The following FBXL13 variants were observed in gnomAD, a reference collection of about 807,000 sequenced individuals.
FBXL13 encodes the protein F-box and leucine rich repeat protein 13.
FBXL13 carries 67 observed loss-of-function variants against 83.6 expected under a neutral mutation model. That is an observed-to-expected ratio of 0.80 (90% CI 0.66 to 0.98). The LOEUF is 0.98. Among genes scored for constraint, FBXL13 ranks in the 50% least tolerant of loss-of-function variants. The pLI, the probability that FBXL13 is intolerant of heterozygous loss-of-function variation, is 0.00. For synonymous variants in FBXL13, 272 were observed against 299.5 expected, an observed-to-expected ratio of 0.91 and a Z score of 0.95; for missense variants, 822 against 866.5, an observed-to-expected ratio of 0.95 and a Z score of 0.64.
chr7:102,911,052 C>T (rs148275704), intron 11 of FBXL13, among the ~76,000 whole-genome samples: 114 of 152,300 alleles, frequency 7.5e-4, no homozygotes, highest in Non-Finnish European at 1.0e-3. Context: ...TGAGCCACCG[C>T]GCCCAGCCTA....
At chr7:103,017,885 G>A (rs1440296692) in intron 6 of FBXL13, among the ~76,000 whole-genome samples, 1 of 152,176 alleles carries the variant, frequency 6.6e-6, no homozygotes, top group African/African-American at 2.4e-5. Context: ...GAAGAATCAA[G>A]TTGGAAAACA....
chr7:103,053,415 A>C (rs540250818), intron 2 of FBXL13, among the ~76,000 whole-genome samples: 1 of 152,230 alleles, frequency 6.6e-6, no homozygotes, highest in East Asian at 1.9e-4. Context: ...GGCCTCCCAA[A>C]GTGCTGGAAT....
chr7:103,011,899 G>A (rs1563216259), intron 6 of FBXL13, among the ~76,000 whole-genome samples: 1 of 152,096 alleles, frequency 6.6e-6, no homozygotes, highest in Non-Finnish European at 1.5e-5. Context: ...AGAAAAGAGA[G>A]GGAGAGAAAC....
chr7:102,964,139 C>T (rs931646356), intron 7 of FBXL13, among the ~76,000 whole-genome samples: 4 of 151,788 alleles, frequency 2.6e-5, no homozygotes, highest in Admixed American at 6.6e-5. Context: ...GGCAAAACCC[C>T]GTCTCTACTA....
chr7:102,889,146 G>T (rs983670239), intron 11 of FBXL13, among the ~76,000 whole-genome samples: 1 of 152,170 alleles, frequency 6.6e-6, no homozygotes, highest in Non-Finnish European at 1.5e-5. Flanking sequence ...AACTCATTGT[G>T]GTGCAGCCCT....
At chr7:103,058,564 G>A (rs1797558886) in intron 1 of FBXL13, among the ~76,000 whole-genome samples, 1 of 152,192 alleles carries the variant, frequency 6.6e-6, no homozygotes, top group African/African-American at 2.4e-5. Context: ...GGTCTCCAGA[G>A]TACTGAGTTT....
At chr7:102,883,732 T>C in intron 12 of FBXL13, 47 bp from the exon 14 acceptor site, 1 of 1,183,590 alleles carries the variant, frequency 8.4e-7, no homozygotes, top group Non-Finnish European at 1.2e-6. Flanking sequence ...ACAGAACAGG[T>C]TTAGCAAGGT....
At chr7:102,894,290 G>A (rs1434482044) in intron 11 of FBXL13, among the ~76,000 whole-genome samples, 1 of 152,146 alleles carries the variant, frequency 6.6e-6, no homozygotes, top group Non-Finnish European at 1.5e-5. Context: ...TTTAAGTTTC[G>A]TGGGCTCTAG....
chr7:103,033,131 CAGACA>C (rs1405588434), intron 2 of FBXL13, among the ~76,000 whole-genome samples: 1 of 152,170 alleles, frequency 6.6e-6, no homozygotes, highest in Non-Finnish European at 1.5e-5. Context: ...ATATTTTTGA[CAGACA>C]AGAGACTAAG....
intron 10 of FBXL13, among the ~76,000 whole-genome samples, chr7:102,916,492 CA>C (rs1815893795): frequency 6.6e-6 from 1 of 152,136 alleles, no homozygotes; most frequent in Non-Finnish European, 1.5e-5. Context: ...AGTTTGAAGG[CA>C]AAGCTCAGGA....
chr7:103,038,378 G>A (rs1474517313), intron 2 of FBXL13, among the ~76,000 whole-genome samples: 1 of 152,246 alleles, frequency 6.6e-6, no homozygotes. Flanking sequence ...CACCTCTGGG[G>A]ACAGGGCATA....
chr7:103,066,852 C>T (rs1341126855), intron 1 of FBXL13, among the ~76,000 whole-genome samples: 2 of 146,604 alleles, frequency 1.4e-5, no homozygotes, highest in Non-Finnish European at 3.0e-5. Context: ...AGTGCAATGG[C>T]GTGATCGCAG....
intron 6 of FBXL13, among the ~76,000 whole-genome samples, chr7:103,024,857 A>ATTTTTTT (rs1209398568): frequency 3.2e-5 from 2 of 62,854 alleles, no homozygotes; most frequent in African/African-American, 9.0e-5. Flanking sequence ...ATATATATAT[A>ATTTTTTT]TTTTTTTTTT....
intron 6 of FBXL13, among the ~76,000 whole-genome samples, chr7:103,019,223 A>G (rs542191623): frequency 6.6e-6 from 1 of 152,342 alleles, no homozygotes; most frequent in East Asian, 1.9e-4. Context: ...CTGAATGACT[A>G]CTGGGTACAT....
At chr7:102,950,189 C>T (rs1439699145) in intron 8 of FBXL13, among the ~76,000 whole-genome samples, 1 of 152,118 alleles carries the variant, frequency 6.6e-6, no homozygotes, top group East Asian at 1.9e-4. Flanking sequence ...ACAGACACCT[C>T]ACCAGAAAGA....
rs61732622 is a variant in FBXL13 at position 102,877,491 on chromosome 7, G to A, written c.1611C>T (p.Leu537=). ...CCTCATTAGAGATGTCTGTTCCAGAGAGATCTATTGATACCAAGGAAAAGA... is the reference window on the plus strand; with the variant it reads ...CCTCATTAGAGATGTCTGTTCCAGAAAGATCTATTGATACCAAGGAAAAGA... Residue 537 remains leucine, a synonymous_variant, in exon 16 of 20, where the codon CTC becomes CTT. Coordinates refer to ENST00000313221, the Ensembl canonical transcript of FBXL13. 3.5e-5 allele frequency: 56 copies of A among 1,608,118 alleles called. No individual in the cohort carries two copies. In the Middle Eastern group the frequency reaches 1.1e-3, roughly 32 times the overall value.
chr7:102,928,962 C>T (rs1287097495), intron 9 of FBXL13, among the ~76,000 whole-genome samples: 1 of 152,000 alleles, frequency 6.6e-6, no homozygotes, highest in African/African-American at 2.4e-5. Flanking sequence ...TGCGGATGAC[C>T]CTGAAGGGTA....
intron 16 of FBXL13, among the ~76,000 whole-genome samples, chr7:102,861,921 G>A (rs557256749): frequency 3.2e-4 from 48 of 150,698 alleles, no homozygotes; most frequent in Admixed American, 2.3e-3. Flanking sequence ...GGCAGAAGCT[G>A]TAGTGAGCCA....
intron 8 of FBXL13, chr7:102,944,676 A>G (rs1251290871): frequency 1.4e-6 from 2 of 1,383,480 alleles, no homozygotes; most frequent in Non-Finnish European, 1.9e-6. Flanking sequence ...ATATGTTTAC[A>G]TTTGATTAAC....
Sources: allele counts gnomAD v4.1 joint callset (sites outside exome capture counted in the v4.1 genomes callset), GRCh38; gene constraint gnomAD v4.1.1; transcripts MANE v1.5; gene names NCBI Gene and HGNC (gene_info 2026-07-23, HGNC 2026-07-21).